Variants in OOSP4B observed in about 807,000 individuals in gnomAD.
OOSP4B encodes oocyte secreted protein family member 4B, also known as oocyte-secreted protein 4B.
rs1854645261 is a variant in OOSP4B, at chr11:60,018,181, T to TGTC, written c.22+769_22+771dup. ...CCAGAGTGATGTCGGCTGCGTCTAA[T>TGTC]GTCAGTGTGAGAGGTTTGCCAAATA... On this transcript the variant is annotated intron_variant, in intron 1 of 4. Coordinates refer to ENST00000642343, the Ensembl canonical transcript of OOSP4B. Among the ~76,000 whole-genome samples the TGTC allele has an allele frequency of 2.6e-5, 4 of 152,326 alleles. No individual in the cohort carries two copies. The South Asian group carries it at 8.3e-4, about 32-fold the overall frequency.
chr11:60,028,996 A>C (rs944046735), intron 3 of OOSP4B, among the ~76,000 whole-genome samples: 1 of 152,234 alleles, frequency 6.6e-6, no homozygotes, highest in Non-Finnish European at 1.5e-5. Context: ...CTCTCAAAAA[A>C]AAATGGTTTC....
intron 1 of OOSP4B, among the ~76,000 whole-genome samples, chr11:60,019,745 A>G (rs1854667862): frequency 6.6e-6 from 1 of 152,174 alleles, no homozygotes; most frequent in African/African-American, 2.4e-5. Flanking sequence ...TTATTGCAAA[A>G]AGCCAAAGAA....
chr11:60,024,415 C>CTGTA (rs1485300701), intron 2 of OOSP4B, among the ~76,000 whole-genome samples: 1 of 152,152 alleles, frequency 6.6e-6, no homozygotes, highest in Non-Finnish European at 1.5e-5. Flanking sequence ...TGGTGGGTAC[C>CTGTA]TGTAATCCCA....
exon 1 of OOSP4B, chr11:60,017,215 C>T (rs1854637380): frequency 2.5e-6 from 1 of 395,348 alleles, no homozygotes; most frequent in Non-Finnish European, 4.5e-6. Flanking sequence ...TGAAGTGTTG[C>T]AGCTACTGCC....
At chr11:60,020,335 C>A (rs1010432354) in intron 1 of OOSP4B, among the ~76,000 whole-genome samples, 39 of 152,294 alleles carry the variant, frequency 2.6e-4, no homozygotes, top group Non-Finnish European at 5.0e-4. Flanking sequence ...GAGGCTCCTG[C>A]CGCTGCAGGA....
At chr11:60,019,113 C>A (rs533404700) in intron 1 of OOSP4B, among the ~76,000 whole-genome samples, 2 of 152,068 alleles carry the variant, frequency 1.3e-5, no homozygotes, top group Admixed American at 6.5e-5. Context: ...ATCCCGACTA[C>A]TCAGGAGGCT....
chr11:60,020,991 A>C (rs116484897), intron 1 of OOSP4B, among the ~76,000 whole-genome samples: 6,031 of 152,288 alleles, frequency 0.04, 398 homozygotes, highest in African/African-American at 0.14. Flanking sequence ...TCTAGCCATA[A>C]TGCTTGGCAC....
chr11:60,023,262 A>G (rs765197253), intron 1 of OOSP4B, among the ~76,000 whole-genome samples: 1 of 152,260 alleles, frequency 6.6e-6, no homozygotes, highest in Non-Finnish European at 1.5e-5. Flanking sequence ...TGAGCACATG[A>G]AGTGTGGCCA....
At chr11:60,028,962 C>T (rs936799747) in intron 3 of OOSP4B, among the ~76,000 whole-genome samples, 3 of 146,570 alleles carry the variant, frequency 2.0e-5, no homozygotes, top group African/African-American at 7.7e-5. Context: ...AACTATATTG[C>T]CGTCTATATA....
At chr11:60,026,045 T>C (rs1021052164) in intron 3 of OOSP4B, among the ~76,000 whole-genome samples, 1 of 152,160 alleles carries the variant, frequency 6.6e-6, no homozygotes, top group Non-Finnish European at 1.5e-5. Flanking sequence ...CTGTCTTGAG[T>C]TGTAAGTGGT....
chr11:60,022,473 G>A (rs369675058), intron 1 of OOSP4B, among the ~76,000 whole-genome samples: 1 of 147,110 alleles, frequency 6.8e-6, no homozygotes, highest in South Asian at 2.1e-4. Context: ...TAAATGCTGA[G>A]TTCCATGTTG....
chr11:60,018,624 C>T (rs533805065), intron 1 of OOSP4B, among the ~76,000 whole-genome samples: 4 of 152,254 alleles, frequency 2.6e-5, no homozygotes, highest in South Asian at 2.1e-4. Flanking sequence ...AGCTAATGAC[C>T]GCCTCTTTGT....
chr11:60,020,728 C>T (rs1357640251), intron 1 of OOSP4B, among the ~76,000 whole-genome samples: 3 of 152,240 alleles, frequency 2.0e-5, no homozygotes, highest in Non-Finnish European at 4.4e-5. Context: ...GCCGAGGAGG[C>T]GTGGAGAGCG....
intron 1 of OOSP4B, among the ~76,000 whole-genome samples, chr11:60,023,640 G>A (rs1413533431): frequency 6.6e-6 from 1 of 152,042 alleles, no homozygotes; most frequent in Non-Finnish European, 1.5e-5. Flanking sequence ...CACCATGTTG[G>A]CCAGGCTGGT....
chr11:60,020,436 G>C (rs1353394631), intron 1 of OOSP4B, among the ~76,000 whole-genome samples: 1 of 152,194 alleles, frequency 6.6e-6, no homozygotes, highest in Non-Finnish European at 1.5e-5. Context: ...GCGAGAAGTC[G>C]AGCACAGCAG....
chr11:60,028,165 G>GC (rs894399583), intron 3 of OOSP4B, among the ~76,000 whole-genome samples: 5 of 146,686 alleles, frequency 3.4e-5, no homozygotes, highest in Non-Finnish European at 7.5e-5. Flanking sequence ...CGTAGTCACT[G>GC]TTTTTTTTTT....
intron 3 of OOSP4B, among the ~76,000 whole-genome samples, chr11:60,028,105 C>A (rs1249208376): frequency 6.6e-6 from 1 of 151,116 alleles, no homozygotes; most frequent in Non-Finnish European, 1.5e-5. Flanking sequence ...TTGATATTGT[C>A]ATATTCACCT....
At chr11:60,029,869 A>G (rs190789865) in exon 4 of OOSP4B, 242 of 398,532 alleles carry the variant, frequency 6.1e-4, no homozygotes, top group Non-Finnish European at 9.3e-4. Context: ...CAAAAGGACA[A>G]GAGTCACCAA....
At chr11:60,017,413 G>A (rs1174730232) in exon 1 of OOSP4B, 1 of 398,590 alleles carries the variant, frequency 2.5e-6, no homozygotes, top group Non-Finnish European at 4.4e-6. Flanking sequence ...TGTGCTCTTA[G>A]GTAGGTCCTT....
Sources: gnomAD v4.1 joint callset for allele counts (sites outside exome capture counted in the v4.1 genomes callset) on GRCh38, gnomAD v4.1.1 for gene constraint, MANE v1.5 for transcripts, NCBI Gene and HGNC (gene_info 2026-07-23, HGNC 2026-07-21) for gene names.